The following CCDC66 variants were observed in gnomAD, a reference collection of about 807,000 sequenced individuals.
The protein encoded by CCDC66 is coiled-coil domain containing 66, also known as coiled-coil domain-containing protein 66.
A neutral mutation model predicts 128.3 loss-of-function variants in CCDC66; 133 were observed. The observed-to-expected ratio is 1.04, with a 90% CI of 0.90 to 1.20. The LOEUF (loss-of-function observed/expected upper bound fraction) is 1.20. Ranked by LOEUF, CCDC66 falls within the 50% of genes most tolerant of loss-of-function variation. The probability of loss-of-function intolerance (pLI) is 0.00; values close to 1 mark genes in which losing one functional copy is unlikely to be tolerated. For missense variants in CCDC66, 1,126 were observed against 1,075.5 expected (o/e 1.05, Z -0.66); for synonymous variants, 387 against 357.0 (o/e 1.08, Z -0.95).
chr3:56,612,449 G>A (rs1452923071), intron 10 of CCDC66, among the ~76,000 whole-genome samples: 1 of 152,096 alleles, frequency 6.6e-6, no homozygotes, highest in South Asian at 2.1e-4. Flanking sequence ...CCCCAGGGCT[G>A]TATACACTGG....
chr3:56,581,510 G>C (rs2068365573), intron 7 of CCDC66, among the ~76,000 whole-genome samples: 1 of 151,790 alleles, frequency 6.6e-6, no homozygotes, highest in Non-Finnish European at 1.5e-5. Flanking sequence ...AGAATTTTCA[G>C]CTTTTCTGCT....
intron 7 of CCDC66, among the ~76,000 whole-genome samples, chr3:56,585,268 GGTGGA>G (rs1258688721): frequency 6.6e-6 from 1 of 151,784 alleles, no homozygotes; most frequent in Non-Finnish European, 1.5e-5. Flanking sequence ...ACATAAGATG[GGTGGA>G]AGAAAACAAC....
intron 10 of CCDC66, among the ~76,000 whole-genome samples, chr3:56,604,340 G>C (rs940229772): frequency 3.9e-5 from 6 of 151,926 alleles, no homozygotes; most frequent in African/African-American, 1.2e-4. Context: ...TGGTTATTTT[G>C]CTCATTAGTT....
At chr3:56,580,386 A>G (rs957602376) in intron 7 of CCDC66, among the ~76,000 whole-genome samples, 2 of 151,900 alleles carry the variant, frequency 1.3e-5, no homozygotes, top group Non-Finnish European at 2.9e-5. Flanking sequence ...GTGTCTTTTA[A>G]TTGGAGCATT....
In CCDC66 at chr3:56,619,918, G is replaced by C. The variant is rs893382637; in HGVS notation, c.2760+17G>C. The stretch of plus-strand genomic sequence containing the variant: ...CTGAGACAGGTATGAGCTTTTTCAA[G>C]TGTAGATATGTCTGTTCTTTATGTG... On this transcript the variant is annotated intron_variant, in intron 17 of 17. Transcript: ENST00000394672. 1.9e-6 allele frequency: 3 copies of C among 1,612,326 alleles called. No individual in the cohort carries two copies. The highest frequency in any genetic ancestry group is 1.7e-6 in the Non-Finnish European group (2 of 1,179,148).
chr3:56,605,884 C>T (rs1285219553), intron 10 of CCDC66, among the ~76,000 whole-genome samples: 1 of 152,070 alleles, frequency 6.6e-6, no homozygotes, highest in Non-Finnish European at 1.5e-5. Context: ...CACCCCTTCC[C>T]CCTGGTGCTC....
At chr3:56,592,117 T>G (rs963655350) in intron 7 of CCDC66, among the ~76,000 whole-genome samples, 1 of 152,234 alleles carries the variant, frequency 6.6e-6, no homozygotes, top group African/African-American at 2.4e-5. Flanking sequence ...AGTATATTTT[T>G]GTTATTGAAA....
Position 56,571,223 on chromosome 3 carries a change from A to G in CCDC66, c.857A>G (p.Glu286Gly). 1.9e-6 allele frequency: 3 copies of G among 1,539,022 alleles called. No individual in the cohort carries two copies. Among genetic ancestry groups the G allele is most frequent in the Non-Finnish European group, 2.7e-6 (3 of 1,128,496 alleles). ...ALKKKEKEVS[E>G]KWNDPWKKSE... The stretch of plus-strand genomic sequence containing the variant: ...AAGAAGAAAGAAAAAGAAGTTTCTG[A>G]AAAATGGAATGATCCTTGGAAAAAA... Residue 286 changes from glutamate (E) to glycine (G), a missense_variant, in exon 7 of 18, where the codon GAA (glutamate) becomes GGA (glycine). Transcript: ENST00000394672.
At chr3:56,598,399 G>T (rs936789982) in intron 10 of CCDC66, among the ~76,000 whole-genome samples, 1 of 150,920 alleles carries the variant, frequency 6.6e-6, no homozygotes, top group Non-Finnish European at 1.5e-5. Context: ...TCTAATTTAG[G>T]TGCCTTTTAT....
chr3:56,582,080 G>A (rs147766149), intron 7 of CCDC66, among the ~76,000 whole-genome samples: 4,119 of 151,994 alleles, frequency 0.027, 119 homozygotes, highest in African/African-American at 0.064. Context: ...GAGCTTCCTG[G>A]CTGCTTTGTT....
chr3:56,585,832 C>T (rs2069599325), intron 7 of CCDC66, among the ~76,000 whole-genome samples: 1 of 151,680 alleles, frequency 6.6e-6, no homozygotes, highest in South Asian at 2.1e-4. Flanking sequence ...TCTTTTAATA[C>T]AAAAGTTCTT....
At position 56,565,275 on chromosome 3, in the gene CCDC66, T is replaced by G. The variant is rs540815138; in HGVS notation, c.544+1150T>G. ...ATTTGTGTTATAATTTTTATTTTAT[T>G]TATTTATTTATTTTTTGAGATGGGG... On this transcript the variant is annotated intron_variant, in intron 4 of 17. Transcript: ENST00000394672. 90 of 193,000 alleles carry G rather than the reference T, an allele frequency of 4.7e-4. 6 individuals are homozygous for G. The South Asian group carries it at 6.1e-3, about 13-fold the overall frequency. 12.0% of individuals were successfully genotyped at this position (193,000 alleles called of 1,614,324 possible).
intron 1 of CCDC66, 109 bp downstream of exon 1, chr3:56,557,362 C>A: frequency 7.1e-7 from 1 of 1,404,856 alleles, no homozygotes; most frequent in Middle Eastern, 1.8e-4. Flanking sequence ...GAGAACGTTC[C>A]CAACCTGCGC....
intron 1 of CCDC66, among the ~76,000 whole-genome samples, chr3:56,558,167 C>G (rs1306783638): frequency 6.6e-6 from 1 of 152,196 alleles, no homozygotes; most frequent in African/African-American, 2.4e-5. Context: ...GCCTCTCTCT[C>G]CCTTGACTGG....
chr3:56,559,655 T>A, intron 3 of CCDC66, 61 bp downstream of exon 3: 1 of 1,199,804 alleles, frequency 8.3e-7, no homozygotes, highest in Non-Finnish European at 1.2e-6. Flanking sequence ...TTATTTATAG[T>A]GGTTAGAAAA....
chr3:56,564,097 C>T lies in CCDC66; in HGVS notation c.516C>T (p.Ser172=), dbSNP rs868169218. ...TAAACCAAGGAAATAGATCTCTTTC[C>T]CTGACTGAGAATGGAAAGGAGGCAA... The part of the protein sequence containing the change: ...MTVNQGNRSL[S]LTENGKEAKS... Residue 172 remains serine (S), a synonymous_variant, in exon 4 of 18, where the codon TCC becomes TCT. Coordinates refer to ENST00000394672, the MANE Select transcript of CCDC66 (RefSeq NM_001141947.3). 5 of 1,599,864 alleles carry T rather than the reference C, an allele frequency of 3.1e-6. No individual in the cohort carries two copies. Among genetic ancestry groups the T allele is most frequent in the Non-Finnish European group, 4.3e-6 (5 of 1,173,588 alleles).
intron 7 of CCDC66, among the ~76,000 whole-genome samples, chr3:56,592,554 G>A (rs1478925281): frequency 2.0e-5 from 3 of 148,478 alleles, no homozygotes; most frequent in African/African-American, 7.5e-5. Context: ...GTAGAGATGA[G>A]ATTTTGCCAT....
At chr3:56,571,132 C>T (rs2066557526) in intron 6 of CCDC66, 49 bp from the exon 7 acceptor site, 1 of 1,365,922 alleles carries the variant, frequency 7.3e-7, no homozygotes, top group African/African-American at 1.5e-5. Flanking sequence ...TTACATGGTT[C>T]TGTTTTTACA....
intron 7 of CCDC66, among the ~76,000 whole-genome samples, chr3:56,582,182 C>G (rs540862441): frequency 6.6e-6 from 1 of 151,910 alleles, no homozygotes; most frequent in African/African-American, 2.4e-5. Flanking sequence ...TAGCAGTGAG[C>G]GAGGCTCCGT....
Sources: gnomAD v4.1 joint callset for allele counts (sites outside exome capture counted in the v4.1 genomes callset) on GRCh38, gnomAD v4.1.1 for gene constraint, MANE v1.5 for transcripts, NCBI Gene and HGNC (gene_info 2026-07-23, HGNC 2026-07-21) for gene names.